The following HSPA8 variants were observed in gnomAD, a reference collection of about 807,000 sequenced individuals.
HSPA8 encodes heat shock cognate 71 kDa protein.
In HSPA8, 2 loss-of-function variants were observed where a neutral mutation model predicts 52.8. That is an observed-to-expected ratio of 0.04 (90% CI 0.02 to 0.12). The LOEUF (loss-of-function observed/expected upper bound fraction) is 0.12. Ranked by LOEUF, HSPA8 falls within the 10% of genes least tolerant of loss-of-function variation. The pLI, the probability that HSPA8 is intolerant of heterozygous loss-of-function variation, is 1.00. For missense variants in HSPA8, 349 were observed against 800.5 expected, an observed-to-expected ratio of 0.44 and a Z score of 6.81; for synonymous variants, 436 against 274.0, an observed-to-expected ratio of 1.59 and a Z score of -5.84.
intron 3 of HSPA8, 61 bp downstream of exon 3, chr11:123,060,532 C>CG (rs1262378802): frequency 7.2e-5 from 92 of 1,273,162 alleles, no homozygotes; most frequent in Non-Finnish European, 1.7e-5. Context: ...CCAGTGCCCC[C>CG]GGGAGTCATC....
At position 123,058,618 on chromosome 11, in the gene HSPA8, C is replaced by G. The variant is rs377525683; in HGVS notation, c.1522+14G>C. The G allele has an allele frequency of 1.3e-4, 208 of 1,607,480 alleles. 1 individual carries two copies. Among genetic ancestry groups the G allele is most frequent in the Non-Finnish European group, 1.7e-4 (201 of 1,174,536 alleles). On this transcript the variant is annotated intron_variant, in intron 7 of 8. Transcript: ENST00000534624. ...CATTATCCCTGTCAAGACCAGATGA[C>G]AGTGCCTCCTTACCCTTGTCATTAG...
chr11:123,060,855 C>A, intron 2 of HSPA8, 57 bp from the exon 3 acceptor site: 6 of 1,477,878 alleles, frequency 4.1e-6, no homozygotes, highest in Non-Finnish European at 5.7e-6. Context: ...TGATAAAACT[C>A]AAGTCCATGA....
chr11:123,058,537 A>T, intron 7 of HSPA8, 53 bp from the exon 8 acceptor site: 1 of 1,584,210 alleles, frequency 6.3e-7, no homozygotes, highest in Non-Finnish European at 8.7e-7. Flanking sequence ...GTGTATGTGT[A>T]ACTCTAGTTT....
At position 123,060,107 on chromosome 11, in the gene HSPA8, G is replaced by A. The variant is rs906162427; in HGVS notation, c.564+9C>T. 3.1e-6 allele frequency: 5 copies of A among 1,613,886 alleles called. No homozygotes were observed. The African/African-American group carries it at 4.0e-5, about 13-fold the overall frequency. ...AATAATCCGAACTTGCATCACAAAT[G>A]GTACATACCTTTTTGTCTAAGCCGT... On this transcript the variant is annotated intron_variant, in intron 4 of 8. Coordinates refer to ENST00000534624, the MANE Select transcript of HSPA8 (RefSeq NM_006597.6).
intron 8 of HSPA8, 104 bp downstream of exon 8, chr11:123,058,148 A>G: frequency 1.2e-6 from 1 of 819,718 alleles, no homozygotes; most frequent in Non-Finnish European, 2.0e-6. Context: ...GTTTTGGACC[A>G]TTCATCATTG....
intron 3 of HSPA8, 60 bp downstream of exon 3, chr11:123,060,533 G>A (rs1465265044): frequency 2.0e-5 from 25 of 1,278,604 alleles, no homozygotes; most frequent in Middle Eastern, 1.8e-4. Flanking sequence ...CAGTGCCCCC[G>A]GGAGTCATCG....
Position 123,058,357 on chromosome 11 carries a change from T to C in HSPA8, c.1650A>G (p.Lys550=), listed in dbSNP as rs1565366733. Residue 550 remains lysine (K), a synonymous_variant, in exon 8 of 9, where the codon AAA becomes AAG. Transcript: ENST00000534624. ...NSLESYAFNM[K]ATVEDEKLQG... is the part of the protein sequence containing the mutation. Reference sequence around the variant, plus strand: ...GAAGTTTCTCATCTTCAACAGTTGCTTTCATGTTGAAGGCATAGGACTCAA... The same window carrying C: ...GAAGTTTCTCATCTTCAACAGTTGCCTTCATGTTGAAGGCATAGGACTCAA... 2 of 1,612,186 alleles carry C rather than the reference T, an allele frequency of 1.2e-6. No homozygotes were observed. Among genetic ancestry groups the C allele is most frequent in the Non-Finnish European group, 1.7e-6 (2 of 1,178,190 alleles).
At chr11:123,060,493 C>T in intron 3 of HSPA8, 100 bp downstream of exon 3, 1 of 1,006,728 alleles carries the variant, frequency 9.9e-7, no homozygotes, top group Non-Finnish European at 1.6e-6. Context: ...CTGAGCTGAG[C>T]CCCATCTGTT....
In HSPA8 at chr11:123,057,933, A is replaced by G. The variant is rs371413585; in HGVS notation, c.1756-14T>C. On this transcript the variant is annotated splice_polypyrimidine_tract_variant and intron_variant, in intron 8 of 8. Transcript: ENST00000534624. The stretch of plus-strand genomic sequence containing the variant: ...CTTCTCAGCAGTCTGAGGAAGAGAA[A>G]AAGGAATTACTGCAAGTTCTTTTAA... 6.3e-7 allele frequency: 1 copy of G among 1,576,954 alleles called. No individual in the cohort carries two copies.
At position 123,060,015 on chromosome 11, in the gene HSPA8, C is replaced by G. The variant is rs2135443837; in HGVS notation, c.578G>C (p.Arg193Thr). The G allele has an allele frequency of 6.2e-7, 1 of 1,613,906 alleles. No homozygotes were observed. Among genetic ancestry groups the G allele is most frequent in the East Asian group, 2.2e-5 (1 of 44,878 alleles). Residue 193 changes from arginine to threonine, a missense_variant, in exon 5 of 9, where the codon AGA (arginine) becomes ACA (threonine). Arg to Thr is a moderately conservative substitution (Grantham distance 71, BLOSUM62 -1). Transcript: ENST00000534624. ...YGLDKKVGAE[R>T]NVLIFDLGGG... is the part of the protein sequence containing the mutation. ...TCCCAGGTCAAAGATGAGCACGTTT[C>G]TTTCTGCTCCAACCTGCCGTTAAAA...
chr11:123,058,896 TAAGG>T, intron 6 of HSPA8, 66 bp from the exon 7 acceptor site: 1 of 1,498,076 alleles, frequency 6.7e-7, no homozygotes, highest in Non-Finnish European at 9.3e-7. Flanking sequence ...AGGGTCCTGC[TAAGG>T]AAGAATGGTC....
rs1865345359 is a variant in HSPA8 at position 123,057,679 on chromosome 11, G to C, written c.*55C>G. 7.1e-7 allele frequency: 1 copy of C among 1,404,624 alleles called. No individual in the cohort carries two copies. The highest frequency in any genetic ancestry group is 9.7e-7 in the Non-Finnish European group (1 of 1,032,028). 87.0% of individuals were successfully genotyped at this position (1,404,624 alleles called of 1,614,324 possible). A position where few individuals can be genotyped will look rare whatever the true frequency, so the allele number is the denominator to read the frequency against. ...TGCCACAGAATTTGCTACGAATTTAGGTCCTTCAAATGTTTTAAATGTGTG... is the reference window on the plus strand; with the variant it reads ...TGCCACAGAATTTGCTACGAATTTACGTCCTTCAAATGTTTTAAATGTGTG... On this transcript the variant is annotated 3_prime_UTR_variant, in exon 9 of 9. Coordinates refer to ENST00000534624, the MANE Select transcript of HSPA8 (RefSeq NM_006597.6).
chr11:123,058,097 G>C, intron 8 of HSPA8, 155 bp downstream of exon 8: 1 of 710,104 alleles, frequency 1.4e-6, no homozygotes, highest in Non-Finnish European at 2.3e-6. Context: ...ATCCAAGGAA[G>C]GTAGTTGCCA....
intron 3 of HSPA8, 69 bp downstream of exon 3, chr11:123,060,502 TTCCCCTCCCTCGCCAGGTGCCA>T (rs1343104050): frequency 9.6e-7 from 1 of 1,037,518 alleles, no homozygotes; most frequent in African/African-American, 1.6e-5. Flanking sequence ...GCCCCATCTG[TTCCCCTCCCTCGCCAGGTGCCA>T]GTGCCCCCGG....
chr11:123,059,984 G>A lies in HSPA8; in HGVS notation c.609C>T (p.Gly203=). 2 of 1,613,856 alleles carry A rather than the reference G, an allele frequency of 1.2e-6. No individual in the cohort carries two copies. Among genetic ancestry groups the A allele is most frequent in the Non-Finnish European group, 1.7e-6 (2 of 1,179,906 alleles). The change falls in exon 5 of 9, where the codon GGC becomes GGT. Residue 203 remains glycine, a synonymous_variant. Coordinates refer to ENST00000534624, the MANE Select transcript of HSPA8 (RefSeq NM_006597.6). ...TAGTGAGGATTGACACATCAAAAGT[G>A]CCACCTCCCAGGTCAAAGATGAGCA... The part of the protein sequence containing the change: ...RNVLIFDLGG[G]TFDVSILTIE...
chr11:123,058,994 G>C (rs916360248), intron 6 of HSPA8, 65 bp downstream of exon 6: 4 of 1,472,356 alleles, frequency 2.7e-6, no homozygotes, highest in East Asian at 4.5e-5. Flanking sequence ...TCATCATAGC[G>C]AGTCAGTCAA....
intron 5 of HSPA8, 102 bp from the exon 6 acceptor site, chr11:123,059,363 C>G (rs575740356): frequency 5.2e-5 from 71 of 1,366,466 alleles, no homozygotes; most frequent in Middle Eastern, 3.6e-4. Flanking sequence ...AAGGTGTTGC[C>G]ATCATTAGCC....
chr11:123,061,674 C>T lies in HSPA8; in HGVS notation c.-5-345G>A, dbSNP rs116346903. On this transcript the variant is annotated intron_variant, in intron 1 of 8. Transcript: ENST00000534624. The stretch of plus-strand genomic sequence containing the variant: ...GGGCTTTTAACTACTCCGGAATGTA[C>T]CCCCATACTGGAAGCACGCCAAGAA... 4.4e-3 allele frequency: 1,486 copies of T among 336,338 alleles called. 15 individuals carry two copies. The highest frequency in any genetic ancestry group is 0.028 in the African/African-American group (1,310 of 47,324). 20.8% of individuals were successfully genotyped at this position (336,338 alleles called of 1,614,324 possible). A position where few individuals can be genotyped will look rare whatever the true frequency, so the allele number is the denominator to read the frequency against.
At chr11:123,061,008 G>T in intron 2 of HSPA8, 112 bp downstream of exon 2, 1 of 976,546 alleles carries the variant, frequency 1.0e-6, no homozygotes, top group Non-Finnish European at 1.6e-6. Flanking sequence ...TTGATAACAA[G>T]TCTCTCAGCT....
Sources: gnomAD v4.1 joint callset for allele counts on GRCh38, gnomAD v4.1.1 for gene constraint, MANE v1.5 for transcripts, NCBI Gene and HGNC (gene_info 2026-07-23, HGNC 2026-07-21) for gene names.